The following SEC14L2 variants were observed in gnomAD, a reference collection of about 807,000 sequenced individuals.
The protein encoded by SEC14L2 is SEC14 like lipid binding 2, also known as SEC14-like protein 2.
A neutral mutation model predicts 56.9 loss-of-function variants in SEC14L2; 50 were observed. The observed-to-expected ratio is 0.88, with a 90% CI of 0.70 to 1.11. The LOEUF (loss-of-function observed/expected upper bound fraction) is 1.11. Ranked by LOEUF, SEC14L2 falls within the 50% of genes most tolerant of loss-of-function variation. The probability of loss-of-function intolerance (pLI) is 0.00; values close to 1 mark genes in which losing one functional copy is unlikely to be tolerated. For missense variants in SEC14L2, 414 were observed against 500.7 expected (o/e 0.83, Z 1.65); for synonymous variants, 179 against 188.5 (o/e 0.95, Z 0.41).
chr22:30,401,150 G>A (rs1437414051), intron 2 of SEC14L2, among the ~76,000 whole-genome samples: 2 of 151,528 alleles, frequency 1.3e-5, no homozygotes, highest in Non-Finnish European at 1.5e-5. Context: ...GGGCATGATC[G>A]TAGGTCACTG....
At position 30,399,533 on chromosome 22, in the gene SEC14L2, A is replaced by G. The variant is rs1207813234; in HGVS notation, c.55-110A>G. The G allele has an allele frequency of 1.7e-4, 94 of 567,286 alleles. 2 individuals are homozygous for G. Among genetic ancestry groups the G allele is most frequent in the Middle Eastern group, 1.6e-3 (4 of 2,452 alleles). The allele number at this position is 567,286 out of a possible 1,614,324, so 35.1% of individuals were successfully genotyped here. A position where few individuals can be genotyped will look rare whatever the true frequency, so the allele number is the denominator to read the frequency against. ...TATCTCAAAAAAAAAAAAAAAAAAA[A>G]AAAAGAAACAAAGAAAGAGGCGTCC... On this transcript the variant is annotated intron_variant, in intron 1 of 11. Transcript: ENST00000615189.
At position 30,407,552 on chromosome 22, in the gene SEC14L2, G is replaced by C; in HGVS notation, c.372G>C (p.Lys124Asn). The C allele has an allele frequency of 6.2e-7, 1 of 1,614,192 alleles. No homozygotes were observed. The highest frequency in any genetic ancestry group is 8.5e-7 in the Non-Finnish European group (1 of 1,180,034). The change falls in exon 5 of 12, where the codon AAG becomes AAC. Residue 124 changes from lysine (K) to asparagine (N), a missense_variant. Coordinates refer to ENST00000615189, the MANE Select transcript of SEC14L2 (RefSeq NM_012429.5). ...SASKQDLLRT[K>N]MRECELLLQE... is the part of the protein sequence containing the mutation. ...CCAAACAGGACCTGCTGAGGACCAA[G>C]ATGCGGGAGTGTGAGCTGCTTCTGC...
chr22:30,406,124 A>G (rs1269211552), intron 2 of SEC14L2, among the ~76,000 whole-genome samples: 1 of 151,908 alleles, frequency 6.6e-6, no homozygotes, highest in African/African-American at 2.4e-5. Flanking sequence ...GCTGCCCTGA[A>G]CTTTGACCTG....
intron 11 of SEC14L2, among the ~76,000 whole-genome samples, chr22:30,417,639 A>G (rs1056235659): frequency 4.6e-5 from 7 of 152,218 alleles, no homozygotes; most frequent in Non-Finnish European, 1.0e-4. Context: ...CCTGGCATAG[A>G]GCAAGCACTC....
At position 30,415,803 on chromosome 22, in the gene SEC14L2, G is replaced by A. The variant is rs373330932; in HGVS notation, c.709G>A (p.Val237Met). The A allele has an allele frequency of 1.9e-4, 300 of 1,614,026 alleles. No homozygotes were observed. Among genetic ancestry groups the A allele is most frequent in the South Asian group, 5.2e-4 (47 of 91,088 alleles). Reference sequence around the variant, plus strand: ...ACTGAAACATATCAGCCCTGACCAGGTGCCTGTGGAGTATGGGGGCACCAT... The same window carrying A: ...ACTGAAACATATCAGCCCTGACCAGATGCCTGTGGAGTATGGGGGCACCAT... ...VLLKHISPDQ[V>M]PVEYGGTMTD... Residue 237 changes from valine (V) to methionine (M), a missense_variant, in exon 9 of 12, where the codon GTG becomes ATG. Transcript: ENST00000615189.
rs758409597 is a variant in SEC14L2, at chr22:30,415,988, G to C, written c.812G>C (p.Arg271Pro). Residue 271 changes from arginine to proline, a missense_variant, in exon 10 of 12, where the codon CGA (arginine) becomes CCA (proline). Coordinates refer to ENST00000615189, the MANE Select transcript of SEC14L2 (RefSeq NM_012429.5). ...GACATCCCCAGGAAGTATTATGTGC[G>C]AGACCAGGTGAAACAGCAGTATGAA... ...GGDIPRKYYV[R>P]DQVKQQYEHS... 6.2e-7 allele frequency: 1 copy of C among 1,614,228 alleles called. No homozygotes were observed. The highest frequency in any genetic ancestry group is 8.5e-7 in the Non-Finnish European group (1 of 1,180,044).
rs868787214 is a variant in SEC14L2, at chr22:30,410,540, G to A, written c.581-56G>A. 3.9e-6 allele frequency: 6 copies of A among 1,529,044 alleles called. No homozygotes were observed. The African/African-American group carries it at 5.5e-5, about 14-fold the overall frequency. 94.7% of individuals were successfully genotyped at this position (1,529,044 alleles called of 1,614,324 possible). A position where few individuals can be genotyped will look rare whatever the true frequency, so the allele number is the denominator to read the frequency against. On this transcript the variant is annotated intron_variant, in intron 7 of 11. Coordinates refer to ENST00000615189, the MANE Select transcript of SEC14L2 (RefSeq NM_012429.5). Reference sequence around the variant, plus strand: ...GGTAGCAGGTGCTGCAGAGGACGCTGTTAGGGACAGACTGGGCACTGCTCC... The same window carrying A: ...GGTAGCAGGTGCTGCAGAGGACGCTATTAGGGACAGACTGGGCACTGCTCC...
In SEC14L2 at chr22:30,399,654, T is replaced by C. The variant is rs758181619; in HGVS notation, c.66T>C (p.Asn22=). The part of the protein sequence containing the change: ...QKEALAKFRE[N]VQDVLPALPN... ...GCCTCTCCCTACAGTTTCGGGAGAA[T>C]GTCCAGGATGTGCTGCCGGCCCTGC... Residue 22 remains asparagine (N), a synonymous_variant, in exon 2 of 12, where the codon AAT becomes AAC. Transcript: ENST00000615189. The C allele has an allele frequency of 2.5e-6, 4 of 1,613,520 alleles. No individual in the cohort carries two copies. The highest frequency in any genetic ancestry group is 1.7e-5 in the Admixed American group (1 of 59,956).
chr22:30,425,158 G>A lies in SEC14L2; in HGVS notation c.*2751G>A, dbSNP rs1018083353. 4.6e-5 allele frequency: 9 copies of A among 196,682 alleles called. No homozygotes were observed. The highest frequency in any genetic ancestry group is 2.7e-4 in the Admixed American group (5 of 18,634). 12.2% of individuals were successfully genotyped at this position (196,682 alleles called of 1,614,324 possible). A position where few individuals can be genotyped will look rare whatever the true frequency, so the allele number is the denominator to read the frequency against. ...TAGCAGCTGTGTGTTCTGGGAAAAT[G>A]ACCCACCTTCTCTGTGCCTCCATTT... On this transcript the variant is annotated 3_prime_UTR_variant, in exon 12 of 12. Coordinates refer to ENST00000615189, the MANE Select transcript of SEC14L2 (RefSeq NM_012429.5).
Position 30,423,372 on chromosome 22 carries a change from G to A in SEC14L2, c.*965G>A, listed in dbSNP as rs1569214270. ...CCGCTTCCTGACTGACCTGAGCAAG[G>A]TCTTACTAAGCAGTCCCATCTCTGT... On this transcript the variant is annotated 3_prime_UTR_variant, in exon 12 of 12. Transcript: ENST00000615189. 1 of 152,810 alleles carries A rather than the reference G, an allele frequency of 6.5e-6. No individual in the cohort carries two copies. Among genetic ancestry groups the A allele is most frequent in the African/African-American group, 2.4e-5 (1 of 41,470 alleles). The allele number at this position is 152,810 out of a possible 1,614,324, so 9.5% of individuals were successfully genotyped here.
Position 30,422,951 on chromosome 22 carries a change from T to G in SEC14L2, c.*544T>G, listed in dbSNP as rs1934561483. ...CCCAGGTCTCAGGAGGTGGCCTGAG[T>G]CAGCACACATCTTCCCACTCGGTAG... On this transcript the variant is annotated 3_prime_UTR_variant, in exon 12 of 12. Coordinates refer to ENST00000615189, the MANE Select transcript of SEC14L2 (RefSeq NM_012429.5). 1 of 152,718 alleles carries G rather than the reference T, an allele frequency of 6.5e-6. No homozygotes were observed. The highest frequency in any genetic ancestry group is 1.5e-5 in the Non-Finnish European group (1 of 68,206). 9.5% of individuals were successfully genotyped at this position (152,718 alleles called of 1,614,324 possible).
intron 4 of SEC14L2, 99 bp from the exon 5 acceptor site, chr22:30,407,316 A>G: frequency 6.8e-7 from 1 of 1,461,962 alleles, no homozygotes; most frequent in Non-Finnish European, 9.5e-7. Flanking sequence ...CAGGAGAGGG[A>G]GGTAGAGAAA....
Position 30,425,238 on chromosome 22 carries a change from T to G in SEC14L2, c.*2831T>G, listed in dbSNP as rs1302481953. ...GTGGGAGGGTTTCAGGTGTAAGACA[T>G]GGAGAGTCCTTTAGCGAACATGTAG... is the stretch of plus-strand genomic sequence containing the variant. On this transcript the variant is annotated 3_prime_UTR_variant, in exon 12 of 12. Coordinates refer to ENST00000615189, the MANE Select transcript of SEC14L2 (RefSeq NM_012429.5). The G allele has an allele frequency of 5.2e-6, 1 of 192,040 alleles. No homozygotes were observed. The highest frequency in any genetic ancestry group is 1.1e-5 in the Non-Finnish European group (1 of 90,404). 11.9% of individuals were successfully genotyped at this position (192,040 alleles called of 1,614,324 possible).
intron 5 of SEC14L2, among the ~76,000 whole-genome samples, chr22:30,408,269 T>A (rs1440727782): frequency 6.6e-6 from 1 of 152,128 alleles, no homozygotes; most frequent in Admixed American, 6.6e-5. Flanking sequence ...GCAAATGATG[T>A]CAGATTCTTG....
chr22:30,399,847 C>G (rs1158278247), intron 2 of SEC14L2, 129 bp downstream of exon 2: 2 of 682,632 alleles, frequency 2.9e-6, no homozygotes, highest in Non-Finnish European at 4.8e-6. Context: ...CCAAAGGGCC[C>G]TTGGCAATGA....
At chr22:30,408,584 C>CA (rs1265358101) in intron 5 of SEC14L2, among the ~76,000 whole-genome samples, 4 of 151,222 alleles carry the variant, frequency 2.6e-5, no homozygotes, top group Admixed American at 6.6e-5. Flanking sequence ...GACCCTGCGC[C>CA]AAAAAAAATA....
Position 30,422,720 on chromosome 22 carries a change from G to C in SEC14L2, c.*313G>C. 1 of 247,876 alleles carries C rather than the reference G, an allele frequency of 4.0e-6. No homozygotes were observed. Among genetic ancestry groups the C allele is most frequent in the Non-Finnish European group, 7.8e-6 (1 of 127,990 alleles). 15.4% of individuals were successfully genotyped at this position (247,876 alleles called of 1,614,324 possible). On this transcript the variant is annotated 3_prime_UTR_variant, in exon 12 of 12. Coordinates refer to ENST00000615189, the MANE Select transcript of SEC14L2 (RefSeq NM_012429.5). ...GGGGGGCATGTACCACAGGGTGGCA[G>C]CAGGGAAAAAAATTAGAAAAGGGTG...
intron 2 of SEC14L2, among the ~76,000 whole-genome samples, chr22:30,402,740 GT>G (rs5844904): frequency 6.3e-4 from 91 of 143,536 alleles, no homozygotes; most frequent in South Asian, 4.4e-3. Context: ...TCTCAATTGG[GT>G]TTTTTTTTTT....
At position 30,416,308 on chromosome 22, in the gene SEC14L2, G is replaced by A. The variant is rs372520507; in HGVS notation, c.986G>A (p.Arg329Gln). ...AAGACCAAGATGGGAGAGAGGCAGC[G>A]GGCAGGGGAGATGACAGAGGTGCTG... The part of the protein sequence containing the change: ...FLKTKMGERQ[R>Q]AGEMTEVLPN... Residue 329 changes from arginine (R) to glutamine (Q), a missense_variant, in exon 11 of 12, where the codon CGG (arginine) becomes CAG (glutamine). Arg to Gln is a conservative substitution (Grantham distance 43). Coordinates refer to ENST00000615189, the MANE Select transcript of SEC14L2 (RefSeq NM_012429.5). 7.4e-6 allele frequency: 12 copies of A among 1,614,224 alleles called. No homozygotes were observed. The highest frequency in any genetic ancestry group is 3.3e-5 in the South Asian group (3 of 91,086).
Sources: allele counts gnomAD v4.1 joint callset (sites outside exome capture counted in the v4.1 genomes callset), GRCh38; gene constraint gnomAD v4.1.1; transcripts MANE v1.5; gene names NCBI Gene and HGNC (gene_info 2026-07-23, HGNC 2026-07-21).